The following DEFB1 variants were observed in gnomAD, a reference collection of about 807,000 sequenced individuals.
The protein encoded by DEFB1 is beta-defensin 1.
Under a neutral mutation model 2.6 loss-of-function variants are expected in DEFB1, and 4 were observed. The observed-to-expected ratio is 1.53, with a 90% CI of 0.76 to 3.51. The LOEUF (loss-of-function observed/expected upper bound fraction) is 3.51. Among genes scored for constraint, DEFB1 ranks in the 30% most tolerant of loss-of-function variants. The pLI is 0.01. For synonymous variants in DEFB1, 56 were observed against 28.5 expected (o/e 1.96, Z -3.07); for missense variants, 162 against 76.9 (o/e 2.11, Z -4.14).
Position 6,870,739 on chromosome 8 carries a change from G to C in DEFB1, c.149C>G (p.Pro50Arg), listed in dbSNP as rs146603349. 3.1e-6 allele frequency: 5 copies of C among 1,614,178 alleles called. No individual in the cohort carries two copies. Among genetic ancestry groups the C allele is most frequent in the African/African-American group, 1.3e-5 (1 of 75,046 alleles). ...SGGQCLYSACPIFTKIQGTCY... is the reference protein window; with the variant it reads ...SGGQCLYSACRIFTKIQGTCY... ...GGTGCCTTGAATTTTGGTAAAGATC[G>C]GGCAGGCAGAATAGAGACATTGCCC... is the stretch of plus-strand genomic sequence containing the variant. The change falls in exon 2 of 2, where the codon CCG becomes CGG. Residue 50 changes from proline (P) to arginine (R), a missense_variant. Pro to Arg is a moderately radical substitution (Grantham distance 103). Transcript: ENST00000297439.
chr8:6,870,974 C>T (rs1362963829), intron 1 of DEFB1, 148 bp from the exon 2 acceptor site: 5 of 903,576 alleles, frequency 5.5e-6, no homozygotes, highest in Non-Finnish European at 8.1e-6. Flanking sequence ...TTTGGGGCTA[C>T]TCATGAAATG....
chr8:6,875,140 G>A (rs1480159759), intron 1 of DEFB1, among the ~76,000 whole-genome samples: 2 of 147,304 alleles, frequency 1.4e-5, no homozygotes, highest in Non-Finnish European at 3.0e-5. Flanking sequence ...AAGTCTAAAT[G>A]TAAAAAGAAA....
intron 1 of DEFB1, among the ~76,000 whole-genome samples, chr8:6,876,558 G>A (rs746636785): frequency 6.6e-6 from 1 of 152,156 alleles, no homozygotes; most frequent in African/African-American, 2.4e-5. Flanking sequence ...AACTTTGGGA[G>A]TCTGAACTAG....
At chr8:6,875,392 A>G (rs1806485785) in intron 1 of DEFB1, among the ~76,000 whole-genome samples, 1 of 152,230 alleles carries the variant, frequency 6.6e-6, no homozygotes, top group African/African-American at 2.4e-5. Context: ...AGGCTTGCAT[A>G]GAAAATACAT....
At chr8:6,873,427 G>A (rs1806395440) in intron 1 of DEFB1, among the ~76,000 whole-genome samples, 1 of 152,182 alleles carries the variant, frequency 6.6e-6, no homozygotes, top group Non-Finnish European at 1.5e-5. Context: ...ATTACATTCT[G>A]TGTTCCACAT....
intron 1 of DEFB1, among the ~76,000 whole-genome samples, chr8:6,872,574 G>T (rs997777980): frequency 6.6e-6 from 1 of 152,244 alleles, no homozygotes; most frequent in African/African-American, 2.4e-5. Flanking sequence ...GCATTGAGGA[G>T]AATGAGAAAA....
chr8:6,873,689 A>C (rs45621631), intron 1 of DEFB1, among the ~76,000 whole-genome samples: 4,365 of 152,282 alleles, frequency 0.029, 110 homozygotes, highest in South Asian at 0.083. Context: ...GAAAGGAGGC[A>C]GAGGAGTGTG....
Position 6,877,859 on chromosome 8 carries a change from G to T in DEFB1, c.-2C>A. 6.2e-7 allele frequency: 1 copy of T among 1,613,984 alleles called. No individual in the cohort carries two copies. Among genetic ancestry groups the T allele is most frequent in the Non-Finnish European group, 8.5e-7 (1 of 1,179,896 alleles). On this transcript the variant is annotated 5_prime_UTR_variant, in exon 1 of 2. Transcript: ENST00000297439. ...CAGCAGAAGGTAGGAAGTTCTCATGGCGACTGGCAGGCAACACCCAGGATT... is the reference window on the plus strand; with the variant it reads ...CAGCAGAAGGTAGGAAGTTCTCATGTCGACTGGCAGGCAACACCCAGGATT...
intron 1 of DEFB1, among the ~76,000 whole-genome samples, chr8:6,873,811 G>C (rs576325070): frequency 7.2e-5 from 11 of 152,248 alleles, no homozygotes; most frequent in Non-Finnish European, 5.9e-5. Flanking sequence ...TTTAAAACAA[G>C]CTCCTAGGTG....
At position 6,877,712 on chromosome 8, in the gene DEFB1, C is replaced by T. The variant is rs189746094; in HGVS notation, c.61+85G>A. ...GCTGCTTGTTCCTCGTCCCTTGGGA[C>T]ACGGAGGCAGCCATCCGAGACTCAC... On this transcript the variant is annotated intron_variant, in intron 1 of 1. Transcript: ENST00000297439. The T allele has an allele frequency of 3.5e-4, 442 of 1,245,284 alleles. 3 individuals carry two copies. In the African/African-American group the frequency reaches 5.9e-3, roughly 17 times the overall value. 77.1% of individuals were successfully genotyped at this position (1,245,284 alleles called of 1,614,324 possible). A position where few individuals can be genotyped will look rare whatever the true frequency, so the allele number is the denominator to read the frequency against.
In DEFB1 at chr8:6,870,658, C is replaced by T. The variant is rs746910626; in HGVS notation, c.*23G>A. On this transcript the variant is annotated 3_prime_UTR_variant, in exon 2 of 2. Coordinates refer to ENST00000297439, the MANE Select transcript of DEFB1 (RefSeq NM_005218.4). ...TAAAAAGTTCATTTCACTTCTGCGT[C>T]ATTTCTTCTGGTCACTCCCAGCTCA... is the stretch of plus-strand genomic sequence containing the variant. 5.6e-6 allele frequency: 9 copies of T among 1,601,324 alleles called. No individual in the cohort carries two copies. The East Asian group carries it at 2.0e-4, about 36-fold the overall frequency.
intron 1 of DEFB1, among the ~76,000 whole-genome samples, chr8:6,871,043 A>G (rs1022792606): frequency 6.6e-6 from 1 of 152,260 alleles, no homozygotes; most frequent in Non-Finnish European, 1.5e-5. Context: ...AATACAAGCC[A>G]AGGAATGAGC....
chr8:6,870,607 AT>A lies in DEFB1; in HGVS notation c.*73del. The A allele has an allele frequency of 6.4e-7, 1 of 1,560,348 alleles. No individual in the cohort carries two copies. On this transcript the variant is annotated 3_prime_UTR_variant, in exon 2 of 2. Transcript: ENST00000297439. The stretch of plus-strand genomic sequence containing the variant: ...CCAAAGGAGGTATACTTCAAAAGCA[AT>A]TTTCCTTTATTAAAAGAATGCTTAT...
At chr8:6,876,887 C>T (rs2741131) in intron 1 of DEFB1, among the ~76,000 whole-genome samples, 8,497 of 149,726 alleles carry the variant, frequency 0.057, 542 homozygotes, top group African/African-American at 0.16. Context: ...TAGCAACTGG[C>T]AGCATGAAAA....
At chr8:6,874,341 AT>A (rs569623359) in intron 1 of DEFB1, among the ~76,000 whole-genome samples, 191 of 118,008 alleles carry the variant, frequency 1.6e-3, no homozygotes, top group African/African-American at 6.3e-3. Flanking sequence ...CTGTTAAAGC[AT>A]TTGAAGATTA....
rs748500435 is a variant in DEFB1 at position 6,870,824 on chromosome 8, C to A, written c.64G>T (p.Gly22Cys). 3.7e-5 allele frequency: 59 copies of A among 1,612,274 alleles called. No homozygotes were observed. Among genetic ancestry groups the A allele is most frequent in the Non-Finnish European group, 4.4e-5 (52 of 1,179,344 alleles). Residue 22 changes from glycine to cysteine, a missense_variant and splice_region_variant, in exon 2 of 2, where the codon GGT becomes TGT. Gly to Cys is a radical substitution (Grantham distance 159). Coordinates refer to ENST00000297439, the MANE Select transcript of DEFB1 (RefSeq NM_005218.4). ...CLLLSEMASG[G>C]NFLTGLGHRS... ...TGGCCAAGGCCTGTGAGAAAGTTAC[C>A]ACCTGTAAGGAGGGAACACAAACAC...
rs201891064 is a variant in DEFB1, at chr8:6,877,767, T to C, written c.61+30A>G. 4.4e-6 allele frequency: 7 copies of C among 1,601,126 alleles called. No homozygotes were observed. The East Asian group carries it at 1.3e-4, about 31-fold the overall frequency. On this transcript the variant is annotated intron_variant, in intron 1 of 1. Coordinates refer to ENST00000297439, the MANE Select transcript of DEFB1 (RefSeq NM_005218.4). ...GCCCCATTGTCCCCAGCCCTGGGGA[T>C]GGGAAACTCTTGCAGGTACCAGAGC...
intron 1 of DEFB1, among the ~76,000 whole-genome samples, chr8:6,876,988 T>C (rs546565701): frequency 6.6e-6 from 1 of 152,288 alleles, no homozygotes; most frequent in South Asian, 2.1e-4. Flanking sequence ...CTGGATACAG[T>C]GATGGCCTAG....
At chr8:6,871,024 C>A (rs1185266713) in intron 1 of DEFB1, among the ~76,000 whole-genome samples, 198 bp from the exon 2 acceptor site, 4 of 152,240 alleles carry the variant, frequency 2.6e-5, no homozygotes, top group African/African-American at 9.6e-5. Context: ...GCTATGCCAG[C>A]TGTGGCCAAA....
Sources: gnomAD v4.1 joint callset for allele counts (sites outside exome capture counted in the v4.1 genomes callset) on GRCh38, gnomAD v4.1.1 for gene constraint, MANE v1.5 for transcripts, NCBI Gene and HGNC (gene_info 2026-07-23, HGNC 2026-07-21) for gene names.